CNBD1: variants seen among roughly 807,000 people sequenced by gnomAD.
CNBD1 encodes the protein cyclic nucleotide binding domain containing 1.
A neutral mutation model predicts 54.4 loss-of-function variants in CNBD1; 71 were observed. The ratio of observed to expected loss-of-function variants is 1.30; its 90% CI spans 1.08 to 1.59. The LOEUF is 1.59. Among genes scored for constraint, CNBD1 ranks in the 40% most tolerant of loss-of-function variants. CNBD1 has a pLI of 0.00. For synonymous variants in CNBD1, 182 were observed against 170.7 expected (o/e 1.07, Z -0.51); for missense variants, 659 against 518.0 (o/e 1.27, Z -2.64).
intron 10 of CNBD1, among the ~76,000 whole-genome samples, chr8:87,373,998 C>A: frequency 6.6e-6 from 1 of 151,704 alleles, no homozygotes; most frequent in African/African-American, 2.4e-5. Context: ...GTTACAGCTA[C>A]TGGTAATTAC....
At chr8:87,304,341 A>T (rs1170924749) in intron 8 of CNBD1, among the ~76,000 whole-genome samples, 2 of 152,162 alleles carry the variant, frequency 1.3e-5, no homozygotes, top group African/African-American at 2.4e-5. Flanking sequence ...TTGTAGAGAC[A>T]TGGATGAAGC....
At chr8:86,973,326 A>T (rs1208477192) in intron 4 of CNBD1, among the ~76,000 whole-genome samples, 1 of 152,210 alleles carries the variant, frequency 6.6e-6, no homozygotes, top group Non-Finnish European at 1.5e-5. Context: ...TCTTTTAAAC[A>T]TCTATCTATA....
At chr8:87,029,024 T>A (rs1326580665) in intron 4 of CNBD1, among the ~76,000 whole-genome samples, 1 of 152,214 alleles carries the variant, frequency 6.6e-6, no homozygotes, top group Non-Finnish European at 1.5e-5. Context: ...ATTGACACAT[T>A]TAAAAAGAAT....
intron 4 of CNBD1, among the ~76,000 whole-genome samples, chr8:87,083,945 T>C (rs1210094998): frequency 6.6e-6 from 1 of 152,130 alleles, no homozygotes; most frequent in Non-Finnish European, 1.5e-5. Flanking sequence ...CTAAAATGTA[T>C]AAAAACAACC....
chr8:87,151,181 G>C (rs1812595500), intron 4 of CNBD1, among the ~76,000 whole-genome samples: 1 of 152,150 alleles, frequency 6.6e-6, no homozygotes, highest in Non-Finnish European at 1.5e-5. Context: ...CCATCATTAA[G>C]ATGTCATCGT....
At chr8:87,090,979 A>G (rs1290722196) in intron 4 of CNBD1, among the ~76,000 whole-genome samples, 1 of 151,920 alleles carries the variant, frequency 6.6e-6, no homozygotes, top group Non-Finnish European at 1.5e-5. Context: ...GTCTCTATGA[A>G]AAATATAAAA....
chr8:87,406,130 C>G (rs936009508), intron 2 of CNBD1, among the ~76,000 whole-genome samples: 2 of 151,938 alleles, frequency 1.3e-5, no homozygotes, highest in Non-Finnish European at 2.9e-5. Flanking sequence ...ATGATACAAA[C>G]AAGAAGGAAT....
chr8:87,218,760 G>T lies in CNBD1; in HGVS notation c.577+12622G>T, dbSNP rs533542134. ...AAGATTGAAATGTTTTAAAAGTAAGGAAAATGGAGCTAAAATTGTCCCTGT... is the reference window on the plus strand; with the variant it reads ...AAGATTGAAATGTTTTAAAAGTAAGTAAAATGGAGCTAAAATTGTCCCTGT... On this transcript the variant is annotated intron_variant, in intron 5 of 10. Transcript: ENST00000518476. Among the ~76,000 whole-genome samples, 37 of 151,988 alleles carry T rather than the reference G, an allele frequency of 2.4e-4. 1 individual carries two copies. The highest frequency in any genetic ancestry group is 8.7e-4 in the African/African-American group (36 of 41,530).
Position 87,284,726 on chromosome 8 carries a change from G to GA in CNBD1, c.822dup (p.Ser275IlefsTer15). The GA allele has an allele frequency of 6.2e-7, 1 of 1,605,528 alleles. No homozygotes were observed. The highest frequency in any genetic ancestry group is 2.2e-5 in the East Asian group (1 of 44,632). On this transcript the variant is annotated frameshift_variant, in exon 7 of 11. Transcript: ENST00000518476. LOFTEE classifies it high-confidence loss of function. ...GACTCTGGAAGTTATGCCTCAGAAT[G>GA]AATCGGAAACACAGATGTTCTCGGT...
intron 4 of CNBD1, among the ~76,000 whole-genome samples, chr8:87,106,941 G>T (rs1477218184): frequency 2.0e-5 from 3 of 151,860 alleles, no homozygotes; most frequent in Non-Finnish European, 4.4e-5. Flanking sequence ...GCAGTTCTCT[G>T]CCTCAACCTC....
At chr8:86,882,573 A>G (rs545353976) in intron 1 of CNBD1, among the ~76,000 whole-genome samples, 1 of 152,204 alleles carries the variant, frequency 6.6e-6, no homozygotes, top group Non-Finnish European at 1.5e-5. Context: ...TGTTGGTGGG[A>G]CTGTAAATCA....
At chr8:87,398,778 A>G (rs771110702) in intron 2 of CNBD1, among the ~76,000 whole-genome samples, 1 of 151,984 alleles carries the variant, frequency 6.6e-6, no homozygotes. Context: ...TTTTGCCTTA[A>G]GGCTTCTACA....
In CNBD1 at chr8:87,267,656, A is replaced by C. The variant is rs143107501; in HGVS notation, c.772-17022A>C. ...TTCATCAACAAAAGAATGAATAAGT[A>C]ATTTGAGTATAGCATACAACAATGG... On this transcript the variant is annotated intron_variant, in intron 6 of 10. Coordinates refer to ENST00000518476, the MANE Select transcript of CNBD1 (RefSeq NM_173538.3). Among the ~76,000 whole-genome samples the C allele has an allele frequency of 8.6e-4, 131 of 152,320 alleles. 1 individual carries two copies. The East Asian group carries it at 0.02, about 23-fold the overall frequency.
At chr8:87,128,402 C>A (rs1202925479) in intron 4 of CNBD1, among the ~76,000 whole-genome samples, 1 of 152,176 alleles carries the variant, frequency 6.6e-6, no homozygotes, top group Non-Finnish European at 1.5e-5. Context: ...TGCATGCTCC[C>A]TCTCGTGAAG....
At chr8:86,994,059 C>A (rs1435879088) in intron 4 of CNBD1, among the ~76,000 whole-genome samples, 2 of 152,190 alleles carry the variant, frequency 1.3e-5, no homozygotes, top group Non-Finnish European at 2.9e-5. Flanking sequence ...GCTCCTGCAC[C>A]AGTCAATGAT....
intron 8 of CNBD1, among the ~76,000 whole-genome samples, chr8:87,286,877 G>T (rs1267043837): frequency 1.3e-5 from 2 of 151,964 alleles, no homozygotes; most frequent in Non-Finnish European, 2.9e-5. Flanking sequence ...TGTGGTCTCA[G>T]GACTAACCTT....
At chr8:87,258,776 A>C (rs1808071967) in intron 6 of CNBD1, among the ~76,000 whole-genome samples, 1 of 152,174 alleles carries the variant, frequency 6.6e-6, no homozygotes, top group African/African-American at 2.4e-5. Context: ...ACCCTTTACA[A>C]ATTTTTGTTA....
intron 4 of CNBD1, among the ~76,000 whole-genome samples, chr8:86,966,738 G>A (rs1332452313): frequency 1.3e-5 from 2 of 152,168 alleles, no homozygotes; most frequent in Non-Finnish European, 2.9e-5. Context: ...AGACGTTTGT[G>A]GTGAGTGTTA....
intron 1 of CNBD1, among the ~76,000 whole-genome samples, chr8:86,883,154 A>G (rs1808629073): frequency 6.6e-6 from 1 of 151,344 alleles, no homozygotes. Context: ...AAACTGCACA[A>G]CCTGCATGTT....
Sources: allele counts gnomAD v4.1 joint callset (sites outside exome capture counted in the v4.1 genomes callset), GRCh38; gene constraint gnomAD v4.1.1; transcripts MANE v1.5; gene names NCBI Gene and HGNC (gene_info 2026-07-23, HGNC 2026-07-21).